Variants in MTUS1 observed in about 807,000 individuals in gnomAD.
MTUS1 encodes microtubule-associated tumor suppressor 1.
A neutral mutation model predicts 120.8 loss-of-function variants in MTUS1; 109 were observed. The ratio of observed to expected loss-of-function variants is 0.90; its 90% CI spans 0.77 to 1.06. MTUS1 has a LOEUF of 1.06. Ranked by LOEUF, MTUS1 falls within the 50% of genes least tolerant of loss-of-function variation. The pLI is 0.00. For synonymous variants in MTUS1, 737 were observed against 550.5 expected (o/e 1.34, Z -4.74); for missense variants, 2,210 against 1,486.3 (o/e 1.49, Z -8.01).
chr8:17,717,874 GAA>G (rs2131060294), intron 4 of MTUS1, among the ~76,000 whole-genome samples: 1 of 152,214 alleles, frequency 6.6e-6, no homozygotes, highest in South Asian at 2.1e-4. Flanking sequence ...CACGCAACAT[GAA>G]GTCAGAATTC....
rs190389837 is a variant in MTUS1 at position 17,788,312 on chromosome 8, C to A, written c.-155+12749G>T. Among the ~76,000 whole-genome samples, 142 of 152,294 alleles carry A rather than the reference C, an allele frequency of 9.3e-4. 1 individual carries two copies. Among genetic ancestry groups the A allele is most frequent in the Admixed American group, 4.3e-3 (66 of 15,292 alleles). ...GTGGTAGTGAACAGCAGTGTGTATT[C>A]TGAGACATATTCATGAATTCTTATT... is the stretch of plus-strand genomic sequence containing the variant. On this transcript the variant is annotated intron_variant, in intron 1 of 14. Coordinates refer to ENST00000693296, the MANE Select transcript of MTUS1 (RefSeq NM_001363059.2).
intron 4 of MTUS1, chr8:17,722,164 C>T (rs1243860296): frequency 9.0e-7 from 1 of 1,115,070 alleles, no homozygotes; most frequent in Admixed American, 4.7e-5. Flanking sequence ...TGTTAAAAGA[C>T]AAAAAGGAAT....
intron 7 of MTUS1, among the ~76,000 whole-genome samples, chr8:17,679,524 G>A (rs1348101071): frequency 6.7e-6 from 1 of 148,954 alleles, no homozygotes; most frequent in East Asian, 2.0e-4. Flanking sequence ...TATTTTTTGA[G>A]ACAGGGTCTC....
chr8:17,666,187 C>T (rs1187930645), intron 8 of MTUS1, among the ~76,000 whole-genome samples: 1 of 145,712 alleles, frequency 6.9e-6, no homozygotes, highest in South Asian at 2.2e-4. Flanking sequence ...GGCGAGAGCA[C>T]AGCTGAATAT....
chr8:17,714,147 G>A (rs534665634), intron 5 of MTUS1, among the ~76,000 whole-genome samples: 6 of 152,190 alleles, frequency 3.9e-5, no homozygotes, highest in African/African-American at 1.4e-4. Context: ...TCAGCAAGAG[G>A]TCATTTGGTG....
At position 17,755,655 on chromosome 8, in the gene MTUS1, T is replaced by G; in HGVS notation, c.153A>C (p.Pro51=). The G allele has an allele frequency of 6.2e-7, 1 of 1,614,230 alleles. No individual in the cohort carries two copies. The highest frequency in any genetic ancestry group is 1.3e-5 in the African/African-American group (1 of 75,062). ...TTTCATAATCAACCACCATGTCATC[T>G]GGGTTGGCAGAATTCCAGTTCACAC... is the stretch of plus-strand genomic sequence containing the variant. ...ASSVNWNSAN[P]DDMVVDYETD... Residue 51 remains proline, a synonymous_variant, in exon 2 of 15, where the codon CCA becomes CCC. Transcript: ENST00000693296.
chr8:17,737,645 C>A (rs985449726), intron 3 of MTUS1, among the ~76,000 whole-genome samples: 1 of 152,072 alleles, frequency 6.6e-6, no homozygotes, highest in African/African-American at 2.4e-5. Context: ...GTGCCACTTG[C>A]CCAGCTAATT....
chr8:17,778,591 C>G (rs1282165931), intron 1 of MTUS1, among the ~76,000 whole-genome samples: 4 of 151,850 alleles, frequency 2.6e-5, no homozygotes, highest in Non-Finnish European at 5.9e-5. Flanking sequence ...AGGAGGCAGG[C>G]GGATCCCTTG....
chr8:17,767,488 G>A (rs554203821), intron 1 of MTUS1, among the ~76,000 whole-genome samples: 4 of 151,502 alleles, frequency 2.6e-5, no homozygotes, highest in Non-Finnish European at 4.4e-5. Context: ...CTTGAGGCCT[G>A]GAGTTTGAGA....
chr8:17,717,501 A>G (rs1822568800), intron 4 of MTUS1, among the ~76,000 whole-genome samples: 1 of 152,254 alleles, frequency 6.6e-6, no homozygotes, highest in Non-Finnish European at 1.5e-5. Flanking sequence ...TTTTAGTCTT[A>G]CTTTTCTTGA....
intron 1 of MTUS1, among the ~76,000 whole-genome samples, chr8:17,764,091 A>G (rs751848462): frequency 7.9e-5 from 12 of 152,228 alleles, no homozygotes; most frequent in Admixed American, 2.0e-4. Context: ...TTTGGTGGGG[A>G]AAGAACAGTG....
intron 8 of MTUS1, among the ~76,000 whole-genome samples, chr8:17,666,367 G>A (rs1487642997): frequency 6.6e-6 from 1 of 151,672 alleles, no homozygotes; most frequent in African/African-American, 2.4e-5. Context: ...AGAGCACGAG[G>A]GTCAAAAAGG....
At chr8:17,692,656 A>G (rs1817185612) in intron 6 of MTUS1, among the ~76,000 whole-genome samples, 1 of 152,178 alleles carries the variant, frequency 6.6e-6, no homozygotes, top group Admixed American at 6.6e-5. Flanking sequence ...GAAACAACAG[A>G]TGGGGGTCTA....
chr8:17,712,424 C>T (rs1821496095), intron 6 of MTUS1, among the ~76,000 whole-genome samples: 1 of 152,004 alleles, frequency 6.6e-6, no homozygotes, highest in Non-Finnish European at 1.5e-5. Context: ...GCCACCTCTG[C>T]CTCCCAGGTT....
At chr8:17,771,359 A>G (rs1373002771) in intron 1 of MTUS1, among the ~76,000 whole-genome samples, 1 of 152,222 alleles carries the variant, frequency 6.6e-6, no homozygotes, top group Non-Finnish European at 1.5e-5. Flanking sequence ...TTACTTTTGG[A>G]ATTTTGAATA....
At position 17,675,216 on chromosome 8, in the gene MTUS1, G is replaced by C. The variant is rs774485226; in HGVS notation, c.2875C>G (p.Gln959Glu). ...EALKQHKTLS[Q>E]ELVNLRGELV... is the part of the protein sequence containing the mutation. ...TCTCCCCGGAGGTTAACAAGTTCTT[G>C]AGATAGGGTTTTGTGTTGTTTCAGT... is the stretch of plus-strand genomic sequence containing the variant. The change falls in exon 8 of 15, where the codon CAA (glutamine) becomes GAA (glutamate). Residue 959 changes from glutamine (Q) to glutamate (E), a missense_variant. Coordinates refer to ENST00000693296, the MANE Select transcript of MTUS1 (RefSeq NM_001363059.2). 3.1e-6 allele frequency: 5 copies of C among 1,614,118 alleles called. No homozygotes were observed. The highest frequency in any genetic ancestry group is 2.2e-5 in the East Asian group (1 of 44,884).
At chr8:17,744,983 A>G (rs1247688379) in intron 2 of MTUS1, among the ~76,000 whole-genome samples, 1 of 152,154 alleles carries the variant, frequency 6.6e-6, no homozygotes, top group African/African-American at 2.4e-5. Flanking sequence ...CCTAAAATGG[A>G]TGAAATCAAG....
intron 1 of MTUS1, among the ~76,000 whole-genome samples, chr8:17,758,421 A>G (rs544701193): frequency 6.6e-6 from 1 of 152,342 alleles, no homozygotes; most frequent in East Asian, 1.9e-4. Context: ...ATACTGATGG[A>G]AAGTGTAAAT....
At chr8:17,657,511 T>C (rs1423056078) in intron 8 of MTUS1, among the ~76,000 whole-genome samples, 1 of 147,784 alleles carries the variant, frequency 6.8e-6, no homozygotes, top group Non-Finnish European at 1.5e-5. Context: ...GAGCTTGCAG[T>C]GAGCCGAGAT....
Sources: allele counts gnomAD v4.1 joint callset (sites outside exome capture counted in the v4.1 genomes callset), GRCh38; gene constraint gnomAD v4.1.1; transcripts MANE v1.5; gene names NCBI Gene and HGNC (gene_info 2026-07-23, HGNC 2026-07-21).